TNXB: variants seen among roughly 807,000 people sequenced by gnomAD.
The protein encoded by TNXB is tenascin-X.
Under a neutral mutation model 340.5 loss-of-function variants are expected in TNXB, and 183 were observed. The ratio of observed to expected loss-of-function variants is 0.54; its 90% CI spans 0.48 to 0.61. The LOEUF is 0.61. TNXB is among the 20% of genes least tolerant of loss of function. The pLI is 0.00. For missense variants in TNXB, 4,613 were observed against 5,446.4 expected, an observed-to-expected ratio of 0.85 and a Z score of 4.82; for synonymous variants, 2,121 against 2,314.5, an observed-to-expected ratio of 0.92 and a Z score of 2.40.
chr6:32,047,753 G>A lies in TNXB; in HGVS notation c.10305C>T (p.Ile3435=). ...ACTCACCTGTGGTGCTGTCAGCAGA[G>A]ATGGGGCCCAGTCGTTTCCTGCCTG... ...GLSGRKRLGP[I]SADSTTAPLE... is the part of the protein sequence containing the mutation. Residue 3435 remains isoleucine (I), a synonymous_variant, in exon 30 of 44, where the codon ATC becomes ATT. Coordinates refer to ENST00000644971, the MANE Select transcript of TNXB (RefSeq NM_001365276.2). This position sits in a 1 kb window ranked among gnomAD's most constrained non-coding sequence, Gnocchi z 6.2. 1 of 1,604,018 alleles carries A rather than the reference G, an allele frequency of 6.2e-7. No individual in the cohort carries two copies. The highest frequency in any genetic ancestry group is 1.1e-5 in the South Asian group (1 of 89,888).
Position 32,084,297 on chromosome 6 carries a change from C to T in TNXB, c.3445+116G>A. ...CCACTACTTTCCCTTCAGAATTCAG[C>T]TCATGCACCACTGCCTCCAGGAAGC... On this transcript the variant is annotated intron_variant, in intron 8 of 43. Coordinates refer to ENST00000644971, the MANE Select transcript of TNXB (RefSeq NM_001365276.2). This position sits in a 1 kb window ranked among gnomAD's most constrained non-coding sequence, Gnocchi z 5.5. The T allele has an allele frequency of 9.7e-7, 1 of 1,035,410 alleles. No individual in the cohort carries two copies. The highest frequency in any genetic ancestry group is 2.0e-5 in the South Asian group (1 of 49,870). 64.1% of individuals were successfully genotyped at this position (1,035,410 alleles called of 1,614,324 possible).
In TNXB at chr6:32,072,601, G is replaced by A. The variant is rs543530740; in HGVS notation, c.4682-303C>T. Among the ~76,000 whole-genome samples, 5 of 152,208 alleles carry A rather than the reference G, an allele frequency of 3.3e-5. No individual in the cohort carries two copies. The highest frequency in any genetic ancestry group is 1.2e-4 in the African/African-American group (5 of 41,526). ...TTCTAAATTTTGTAGTTTAGTAAAC[G>A]CGCCACCAAGTCCTGTTATTTAATG... On this transcript the variant is annotated intron_variant, in intron 12 of 43. Coordinates refer to ENST00000644971, the MANE Select transcript of TNXB (RefSeq NM_001365276.2). The surrounding 1 kb of genome is among the most constrained non-coding windows in gnomAD (Gnocchi z 4.4).
chr6:32,048,096 C>G, intron 29 of TNXB, 84 bp from the exon 30 acceptor site: 1 of 1,489,000 alleles, frequency 6.7e-7, no homozygotes, highest in Middle Eastern at 1.9e-4. Flanking sequence ...GCTCTGTGAG[C>G]CGGTCCCAGG....
intron 1 of TNXB, among the ~76,000 whole-genome samples, chr6:32,106,256 G>A (rs114969907): frequency 0.012 from 1,873 of 152,068 alleles, 13 homozygotes; most frequent in African/African-American, 0.025. Flanking sequence ...GACAAGAGGT[G>A]GGAGGAAAGG....
In TNXB at chr6:32,061,071, T is replaced by C. The variant is rs1027697970; in HGVS notation, c.7492+326A>G. 9.9e-5 allele frequency among the ~76,000 whole-genome samples: 15 copies of C among 151,968 alleles called. 1 individual carries two copies. Among genetic ancestry groups the C allele is most frequent in the African/African-American group, 3.6e-4 (15 of 41,194 alleles). ...CATCCCAACGTGGTTTGACGTTGGATTGTTCCTCTTGTGTGCATTTGTGTA... is the reference window on the plus strand; with the variant it reads ...CATCCCAACGTGGTTTGACGTTGGACTGTTCCTCTTGTGTGCATTTGTGTA... On this transcript the variant is annotated intron_variant, in intron 21 of 43. Coordinates refer to ENST00000644971, the MANE Select transcript of TNXB (RefSeq NM_001365276.2). This position sits in a 1 kb window ranked among gnomAD's most constrained non-coding sequence, Gnocchi z 4.4.
In TNXB at chr6:32,047,971, C is replaced by T; in HGVS notation, c.10087G>A (p.Val3363Met). 6.2e-7 allele frequency: 1 copy of T among 1,610,876 alleles called. No homozygotes were observed. The highest frequency in any genetic ancestry group is 8.5e-7 in the Non-Finnish European group (1 of 1,179,016). ...KPSPRLGELT[V>M]TDATPDSVGL... The stretch of plus-strand genomic sequence containing the variant: ...ACGGAGTCAGGGGTCGCATCTGTCA[C>T]AGTCAGCTCCCCCAGGCGGGGAGAC... Residue 3363 changes from valine to methionine, a missense_variant, in exon 30 of 44, where the codon GTG becomes ATG. By Grantham distance (21) the Val-to-Met change is conservative. Around this residue, in one of 7 missense-constraint regions of TNXB, gnomAD observed 4,327 missense variants for 4,859.4 expected, o/e 0.89. Transcript: ENST00000644971. This position sits in a 1 kb window ranked among gnomAD's most constrained non-coding sequence, Gnocchi z 6.2.
At position 32,043,910 on chromosome 6, in the gene TNXB, C is replaced by T. The variant is rs371670513; in HGVS notation, c.11387-18G>A. The stretch of plus-strand genomic sequence containing the variant: ...AGGCTCCCCTGAAAACATTGGGGAT[C>T]GAGGGTTACCCAGGGAACCCCAGGG... On this transcript the variant is annotated intron_variant, in intron 34 of 43. Coordinates refer to ENST00000644971, the MANE Select transcript of TNXB (RefSeq NM_001365276.2). 3.2e-5 allele frequency: 51 copies of T among 1,613,212 alleles called. No homozygotes were observed. In the African/African-American group the frequency reaches 4.0e-4, roughly 13 times the overall value.
In TNXB at chr6:32,075,318, CA is replaced by C. The variant is rs1421844722; in HGVS notation, c.4376-1367del. Reference sequence around the variant, plus strand: ...GCACTGGCCTCTGAGGTCCCATATTCATCTCTTAGATCATTCCCTATTGCCT... The same window carrying C: ...GCACTGGCCTCTGAGGTCCCATATTCTCTCTTAGATCATTCCCTATTGCCT... On this transcript the variant is annotated intron_variant, in intron 11 of 43. Coordinates refer to ENST00000644971, the MANE Select transcript of TNXB (RefSeq NM_001365276.2). The surrounding 1 kb of genome is among the most constrained non-coding windows in gnomAD (Gnocchi z 4.6). 1.3e-5 allele frequency among the ~76,000 whole-genome samples: 2 copies of C among 152,260 alleles called. No homozygotes were observed. The highest frequency in any genetic ancestry group is 2.9e-5 in the Non-Finnish European group (2 of 68,046).
At position 32,074,310 on chromosome 6, in the gene TNXB, C is replaced by T. The variant is rs1778958190; in HGVS notation, c.4376-358G>A. Among the ~76,000 whole-genome samples, 1 of 152,196 alleles carries T rather than the reference C, an allele frequency of 6.6e-6. No individual in the cohort carries two copies. Among genetic ancestry groups the T allele is most frequent in the Admixed American group, 6.5e-5 (1 of 15,272 alleles). The stretch of plus-strand genomic sequence containing the variant: ...AAGTGCTGGGATTACAGGTGTGAGC[C>T]ACCACACCCAGCGATGTCTGTTGCA... On this transcript the variant is annotated intron_variant, in intron 11 of 43. Transcript: ENST00000644971. This position sits in a 1 kb window ranked among gnomAD's most constrained non-coding sequence, Gnocchi z 5.5.
Position 32,079,424 on chromosome 6 carries a change from G to T in TNXB, c.4043-59C>A. ...GGCTTTGCTGCTGCTGCCCACAGAT[G>T]ACAGCCATGGAAATGCCCTTACGCT... is the stretch of plus-strand genomic sequence containing the variant. On this transcript the variant is annotated intron_variant, in intron 10 of 43. Transcript: ENST00000644971. This position sits in a 1 kb window ranked among gnomAD's most constrained non-coding sequence, Gnocchi z 7.1. 7.2e-7 allele frequency: 1 copy of T among 1,387,936 alleles called. No homozygotes were observed. 86.0% of individuals were successfully genotyped at this position (1,387,936 alleles called of 1,614,324 possible).
chr6:32,085,749 C>T lies in TNXB; in HGVS notation c.3148+1G>A, dbSNP rs1233170555. On this transcript the variant is annotated splice_donor_variant, in intron 7 of 43. Transcript: ENST00000644971. LOFTEE classifies it high-confidence loss of function. The surrounding 1 kb of genome is among the most constrained non-coding windows in gnomAD (Gnocchi z 6.4). ...TGATCTGAGCAGAGTCCAAGATGTACCCATAATGCCTTGGTAGATGATGGG... is the reference window on the plus strand; with the variant it reads ...TGATCTGAGCAGAGTCCAAGATGTATCCATAATGCCTTGGTAGATGATGGG... 2 of 1,537,518 alleles carry T rather than the reference C, an allele frequency of 1.3e-6. No individual in the cohort carries two copies. Among genetic ancestry groups the T allele is most frequent in the Non-Finnish European group, 1.8e-6 (2 of 1,141,132 alleles).
At chr6:32,093,410 G>T (rs1272385705) in intron 4 of TNXB, 1 of 702,238 alleles carries the variant, frequency 1.4e-6, no homozygotes. Context: ...TTCTGCTTCT[G>T]CTTTGGCTGG....
At chr6:32,105,163 C>T (rs439844) in intron 1 of TNXB, among the ~76,000 whole-genome samples, 23,055 of 152,012 alleles carry the variant, frequency 0.15, 2,323 homozygotes, top group South Asian at 0.3. Context: ...ACTCTCTGTG[C>T]CCATCCCCAA....
intron 4 of TNXB, among the ~76,000 whole-genome samples, chr6:32,091,958 C>T (rs979193109): frequency 4.6e-5 from 7 of 152,236 alleles, no homozygotes; most frequent in Non-Finnish European, 1.0e-4. Flanking sequence ...AACACTTAGC[C>T]TAGCCCTGAT....
intron 11 of TNXB, among the ~76,000 whole-genome samples, chr6:32,078,109 AAGAAAGAAAG>A: frequency 6.7e-6 from 1 of 150,342 alleles, no homozygotes; most frequent in South Asian, 2.1e-4. Flanking sequence ...GAAAGAAAGA[AAGAAAGAAAG>A]AAAGAAAGAA....
At chr6:32,092,704 A>C (rs1216520333) in intron 4 of TNXB, among the ~76,000 whole-genome samples, 3 of 149,152 alleles carry the variant, frequency 2.0e-5, no homozygotes, top group Non-Finnish European at 4.5e-5. Flanking sequence ...AAAAAAAAAA[A>C]AGAAAGAAAG....
chr6:32,042,589 A>G lies in TNXB; in HGVS notation c.12076T>C (p.Phe4026Leu). ...SFTTGGLRIP[F>L]PRDCGEEMQN... Reference sequence around the variant, plus strand: ...ATCTCCTCCCCGCAGTCCCTGGGGAAGGGGATCCGCAGCCCACCTGGGAGA... The same window carrying G: ...ATCTCCTCCCCGCAGTCCCTGGGGAGGGGGATCCGCAGCCCACCTGGGAGA... Residue 4026 changes from phenylalanine (F) to leucine (L), a missense_variant, in exon 40 of 44, where the codon TTC becomes CTC. This residue lies in a region of TNXB where 121 missense variants were observed against 177.4 expected (regional missense o/e 0.68). Transcript: ENST00000644971. 3 of 1,581,528 alleles carry G rather than the reference A, an allele frequency of 1.9e-6. No homozygotes were observed. Among genetic ancestry groups the G allele is most frequent in the Non-Finnish European group, 2.6e-6 (3 of 1,162,512 alleles).
At chr6:32,048,138 TAA>T (rs1343552813) in intron 29 of TNXB, 126 bp from the exon 30 acceptor site, 3 of 1,261,526 alleles carry the variant, frequency 2.4e-6, no homozygotes, top group Non-Finnish European at 3.3e-6. Context: ...GGAGTAGGAA[TAA>T]AAGAGGAGCC....
chr6:32,107,895 T>A (rs2127311926), intron 1 of TNXB, among the ~76,000 whole-genome samples: 1 of 151,582 alleles, frequency 6.6e-6, no homozygotes, highest in South Asian at 2.1e-4. Context: ...AATGTGGGGG[T>A]CTCAGATATT....
Sources: gnomAD v4.1 joint callset for allele counts (sites outside exome capture counted in the v4.1 genomes callset) on GRCh38, gnomAD v4.1.1 for gene constraint, gnomAD v4.1.1 regional missense constraint, Gnocchi (gnomAD v3.1) non-coding constraint, MANE v1.5 for transcripts, NCBI Gene and HGNC (gene_info 2026-07-23, HGNC 2026-07-21) for gene names.